Variants in KATNIP observed in about 807,000 individuals in gnomAD.
KATNIP encodes the protein katanin interacting protein.
Under a neutral mutation model 174.0 loss-of-function variants are expected in KATNIP, and 126 were observed. The ratio of observed to expected loss-of-function variants is 0.72; its 90% CI spans 0.63 to 0.84. The LOEUF (loss-of-function observed/expected upper bound fraction) is 0.84, where lower values mean the gene tolerates loss of function less well. Among genes scored for constraint, KATNIP ranks in the 40% least tolerant of loss-of-function variants. KATNIP has a pLI of 0.00. For missense variants in KATNIP, 1,958 were observed against 2,109.7 expected, an observed-to-expected ratio of 0.93 and a Z score of 1.41; for synonymous variants, 810 against 835.7, an observed-to-expected ratio of 0.97 and a Z score of 0.53.
chr16:27,720,242 C>T (rs376056355), intron 13 of KATNIP, among the ~76,000 whole-genome samples: 19 of 152,028 alleles, frequency 1.2e-4, no homozygotes, highest in African/African-American at 4.4e-4. Context: ...AGGCATGCAC[C>T]ACCACGCCCA....
At chr16:27,620,200 C>T (rs564846360) in intron 3 of KATNIP, among the ~76,000 whole-genome samples, 19 of 152,206 alleles carry the variant, frequency 1.2e-4, no homozygotes, top group African/African-American at 3.6e-4. Flanking sequence ...TTTGGGGGGA[C>T]GTGTTGTCAC....
intron 2 of KATNIP, among the ~76,000 whole-genome samples, chr16:27,600,861 C>G (rs977106777): frequency 4.6e-5 from 7 of 152,224 alleles, no homozygotes; most frequent in African/African-American, 1.7e-4. Flanking sequence ...TCCCGAGTAC[C>G]TGGGATTACA....
Position 27,740,679 on chromosome 16 carries a change from C to A in KATNIP, c.2382C>A (p.Ile794=), listed in dbSNP as rs766197863. ...GCAGGCTCCCATCAGACGATGTCAT[C>A]GGTGAGGGTCCTGGAGAGACCGAGG... is the stretch of plus-strand genomic sequence containing the variant. ...WKGRLPSDDV[I]GEGPGETEAR... Residue 794 remains isoleucine, a synonymous_variant, in exon 15 of 28, where the codon ATC becomes ATA. Coordinates refer to ENST00000261588, the MANE Select transcript of KATNIP (RefSeq NM_015202.5). 1 of 1,614,154 alleles carries A rather than the reference C, an allele frequency of 6.2e-7. No homozygotes were observed. Among genetic ancestry groups the A allele is most frequent in the South Asian group, 1.1e-5 (1 of 91,062 alleles).
intron 2 of KATNIP, among the ~76,000 whole-genome samples, chr16:27,618,154 A>G (rs2076093015): frequency 6.6e-6 from 1 of 152,208 alleles, no homozygotes; most frequent in South Asian, 2.1e-4. Flanking sequence ...CCTTGATCTT[A>G]GAGGGCATGG....
At chr16:27,640,354 G>A (rs1256664180) in intron 5 of KATNIP, among the ~76,000 whole-genome samples, 2 of 152,216 alleles carry the variant, frequency 1.3e-5, no homozygotes, top group African/African-American at 2.4e-5. Context: ...CCTTGCAAGG[G>A]CGTGGAGGTG....
chr16:27,564,156 G>A (rs1301299380), intron 1 of KATNIP, among the ~76,000 whole-genome samples: 1 of 152,162 alleles, frequency 6.6e-6, no homozygotes, highest in Non-Finnish European at 1.5e-5. Flanking sequence ...GATCTATTTG[G>A]AAGCCCAAGT....
intron 7 of KATNIP, 147 bp from the exon 8 acceptor site, chr16:27,681,252 A>G: frequency 9.8e-7 from 1 of 1,021,086 alleles, no homozygotes; most frequent in Non-Finnish European, 1.5e-6. Context: ...CGCCTGCATT[A>G]TTCACATCTC....
intron 6 of KATNIP, among the ~76,000 whole-genome samples, chr16:27,674,463 G>A (rs966485314): frequency 5.3e-5 from 8 of 152,312 alleles, no homozygotes; most frequent in African/African-American, 1.7e-4. Context: ...GACTGTAGAG[G>A]CCACCTACAT....
In KATNIP at chr16:27,587,057, G is replaced by A. The variant is rs368507002; in HGVS notation, c.63+13101G>A. On this transcript the variant is annotated intron_variant, in intron 2 of 27. Transcript: ENST00000261588. ...CGGGCAGGCAAGGCAGGAGGCTGGG[G>A]CAGACAGCCTGGGTTCACATCCTGG... Among the ~76,000 whole-genome samples, 49 of 152,156 alleles carry A rather than the reference G, an allele frequency of 3.2e-4. 1 individual carries two copies. The highest frequency in any genetic ancestry group is 8.7e-4 in the African/African-American group (36 of 41,532).
chr16:27,759,905 A>G (rs2081889638), intron 18 of KATNIP, among the ~76,000 whole-genome samples: 1 of 152,252 alleles, frequency 6.6e-6, no homozygotes, highest in Admixed American at 6.5e-5. Context: ...TGCGGCGAGA[A>G]GCCCATGTGC....
chr16:27,700,044 G>T (rs1245401258), intron 10 of KATNIP, among the ~76,000 whole-genome samples: 1 of 151,906 alleles, frequency 6.6e-6, no homozygotes, highest in East Asian at 1.9e-4. Context: ...CCAAGTAGCT[G>T]GGATTACAGG....
At chr16:27,618,565 T>A in intron 3 of KATNIP, 64 bp downstream of exon 3, 1 of 1,211,914 alleles carries the variant, frequency 8.3e-7, no homozygotes, top group Non-Finnish European at 1.2e-6. Flanking sequence ...TTAGATTTAT[T>A]AACAGCAGGC....
intron 1 of KATNIP, among the ~76,000 whole-genome samples, chr16:27,564,145 A>G (rs1281470966): frequency 6.6e-6 from 1 of 152,180 alleles, no homozygotes; most frequent in Admixed American, 6.5e-5. Context: ...AGCAGGTTCC[A>G]GATCTATTTG....
intron 6 of KATNIP, among the ~76,000 whole-genome samples, chr16:27,654,976 A>T (rs183223911): frequency 2.3e-4 from 35 of 151,678 alleles, no homozygotes; most frequent in African/African-American, 8.5e-4. Context: ...AAAAATTTTT[A>T]AAATGTGCAG....
intron 13 of KATNIP, among the ~76,000 whole-genome samples, chr16:27,715,968 C>T (rs1475652334): frequency 1.4e-5 from 2 of 143,582 alleles, no homozygotes; most frequent in Non-Finnish European, 3.0e-5. Flanking sequence ...TAAAAACATA[C>T]ATTTATTTAA....
chr16:27,613,523 A>G (rs568965670), intron 2 of KATNIP, among the ~76,000 whole-genome samples: 2 of 152,322 alleles, frequency 1.3e-5, no homozygotes, highest in East Asian at 1.9e-4. Flanking sequence ...GTTTCATGCC[A>G]TACCCATAAT....
chr16:27,740,299 G>T lies in KATNIP; in HGVS notation c.2002G>T (p.Asp668Tyr), dbSNP rs530005023. Residue 668 changes from aspartate (D) to tyrosine (Y), a missense_variant, in exon 15 of 28, where the codon GAT becomes TAT. Asp to Tyr is a radical substitution (Grantham distance 160, BLOSUM62 -3). Transcript: ENST00000261588. The part of the protein sequence containing the change: ...GCSPPAETLA[D>Y]AKLSSQGNVS... ...CTCACCGCCAGCTGAAACATTAGCG[G>T]ATGCAAAGCTTTCTTCACAAGGAAA... 102 of 1,614,260 alleles carry T rather than the reference G, an allele frequency of 6.3e-5. No individual in the cohort carries two copies. Among genetic ancestry groups the T allele is most frequent in the Non-Finnish European group, 8.2e-5 (97 of 1,180,052 alleles).
At chr16:27,719,693 T>C (rs1392788239) in intron 13 of KATNIP, among the ~76,000 whole-genome samples, 3 of 149,890 alleles carry the variant, frequency 2.0e-5, no homozygotes, top group Non-Finnish European at 3.0e-5. Context: ...TATTTCTTTT[T>C]TTTTTTTTTT....
At chr16:27,746,696 C>G (rs1229496105) in intron 15 of KATNIP, among the ~76,000 whole-genome samples, 2 of 152,206 alleles carry the variant, frequency 1.3e-5, no homozygotes, top group Non-Finnish European at 2.9e-5. Flanking sequence ...AGAGGAAGAG[C>G]ACTCCTGGCA....
Sources: allele counts gnomAD v4.1 joint callset (sites outside exome capture counted in the v4.1 genomes callset), GRCh38; gene constraint gnomAD v4.1.1; transcripts MANE v1.5; gene names NCBI Gene and HGNC (gene_info 2026-07-23, HGNC 2026-07-21).